The following ASAP2 variants were observed in gnomAD, a reference collection of about 807,000 sequenced individuals.
The protein encoded by ASAP2 is arf-GAP with SH3 domain, ANK repeat and PH domain-containing protein 2.
In ASAP2, 45 loss-of-function variants were observed where a neutral mutation model predicts 131.4. The observed-to-expected ratio is 0.34, with a 90% CI of 0.27 to 0.44. The LOEUF (loss-of-function observed/expected upper bound fraction) is 0.44, where lower values mean the gene tolerates loss of function less well. Ranked by LOEUF, ASAP2 falls within the 20% of genes least tolerant of loss-of-function variation. The pLI, the probability that ASAP2 is intolerant of heterozygous loss-of-function variation, is 1.00. For synonymous variants in ASAP2, 510 were observed against 503.0 expected (o/e 1.01, Z -0.19); for missense variants, 1,011 against 1,297.0 (o/e 0.78, Z 3.39).
At position 9,356,292 on chromosome 2, in the gene ASAP2, C is replaced by T; in HGVS notation, c.1274C>T (p.Ser425Leu). The T allele has an allele frequency of 5.0e-6, 8 of 1,613,506 alleles. No homozygotes were observed. The highest frequency in any genetic ancestry group is 5.9e-6 in the Non-Finnish European group (7 of 1,179,724). The change falls in exon 14 of 28, where the codon TCA becomes TTA. Residue 425 changes from serine (S) to leucine (L), a missense_variant. Ser to Leu is a moderately radical substitution (Grantham distance 145, BLOSUM62 -2). Coordinates refer to ENST00000281419, the MANE Select transcript of ASAP2 (RefSeq NM_003887.3). ...CAAGAACTGACAAAGGAGATCATCTCAGAAGTGCAGAGGATGACGGGCAAT... is the reference window on the plus strand; with the variant it reads ...CAAGAACTGACAAAGGAGATCATCTTAGAAGTGCAGAGGATGACGGGCAAT... ...IVQELTKEII[S>L]EVQRMTGNDV...
rs535210558 is a variant in ASAP2, at chr2:9,392,966, A to G, written c.2519-516A>G. ...GCCTCCTTGTCTGTAAAACGTAGAC[A>G]CTAAGAAAGCTCTTCACCCACCCAC... On this transcript the variant is annotated intron_variant, in intron 23 of 27. Transcript: ENST00000281419. The surrounding 1 kb of genome is among the most constrained non-coding windows in gnomAD (Gnocchi z 4.0). Among the ~76,000 whole-genome samples, 15 of 152,290 alleles carry G rather than the reference A, an allele frequency of 9.8e-5. No individual in the cohort carries two copies. The East Asian group carries it at 1.7e-3, about 18-fold the overall frequency.
At chr2:9,306,602 G>A (rs892031203) in intron 3 of ASAP2, among the ~76,000 whole-genome samples, 4 of 151,826 alleles carry the variant, frequency 2.6e-5, no homozygotes, top group Non-Finnish European at 5.9e-5. Flanking sequence ...AAGGAAAATG[G>A]GGGGCTGTGA....
chr2:9,345,710 G>A (rs1188190801), intron 11 of ASAP2, among the ~76,000 whole-genome samples: 3 of 152,142 alleles, frequency 2.0e-5, no homozygotes, highest in East Asian at 1.9e-4. Context: ...GATAGTAACC[G>A]TCTTTCCTGC....
chr2:9,400,058 A>C lies in ASAP2; in HGVS notation c.2720A>C (p.Gln907Pro). Reference sequence around the variant, plus strand: ...TCCACCCCACTGACCAACAAAGGCCAACCGAGAGGACCTGGTAATTATTTA... The same window carrying C: ...TCCACCCCACTGACCAACAAAGGCCCACCGAGAGGACCTGGTAATTATTTA... ...DKSTPLTNKG[Q>P]PRGPVDLSAT... The change falls in exon 25 of 28, where the codon CAA becomes CCA. Residue 907 changes from glutamine (Q) to proline (P), a missense_variant. Physicochemically the swap from Gln to Pro is moderately conservative, Grantham distance 76 (BLOSUM62 -1). Coordinates refer to ENST00000281419, the MANE Select transcript of ASAP2 (RefSeq NM_003887.3). The C allele has an allele frequency of 6.2e-7, 1 of 1,613,334 alleles. No homozygotes were observed. The highest frequency in any genetic ancestry group is 8.5e-7 in the Non-Finnish European group (1 of 1,179,712).
intron 11 of ASAP2, among the ~76,000 whole-genome samples, chr2:9,348,774 A>G (rs1672143029): frequency 6.6e-6 from 1 of 152,190 alleles, no homozygotes; most frequent in African/African-American, 2.4e-5. Context: ...AAGAACGAAC[A>G]CCTTTCCCCG....
intron 8 of ASAP2, 42 bp downstream of exon 8, chr2:9,334,855 T>G (rs769168372): frequency 6.4e-7 from 1 of 1,561,428 alleles, no homozygotes; most frequent in South Asian, 1.1e-5. Context: ...ACCATCTTAA[T>G]GCAACAGACA....
At chr2:9,248,088 G>T (rs1035231858) in intron 1 of ASAP2, among the ~76,000 whole-genome samples, 1 of 152,198 alleles carries the variant, frequency 6.6e-6, no homozygotes, top group African/African-American at 2.4e-5. Flanking sequence ...TGGAGAAGGG[G>T]TGGCTGATGG....
chr2:9,223,861 G>A (rs1381615504), intron 1 of ASAP2, among the ~76,000 whole-genome samples: 1 of 152,126 alleles, frequency 6.6e-6, no homozygotes, highest in Non-Finnish European at 1.5e-5. Context: ...AATCCTTGCA[G>A]GTCTCACTAA....
intron 1 of ASAP2, among the ~76,000 whole-genome samples, chr2:9,275,082 G>GT (rs753527243): frequency 0.11 from 14,503 of 128,752 alleles, 885 homozygotes; most frequent in Middle Eastern, 0.15. Context: ...TCATTTGTCT[G>GT]TTTTTTTTTT....
At chr2:9,356,546 C>T (rs968064530) in intron 14 of ASAP2, among the ~76,000 whole-genome samples, 9 of 152,110 alleles carry the variant, frequency 5.9e-5, no homozygotes, top group African/African-American at 1.7e-4. Flanking sequence ...GTTTGCCTGC[C>T]GGGCCCCAGA....
At chr2:9,253,376 C>T (rs912344884) in intron 1 of ASAP2, among the ~76,000 whole-genome samples, 3 of 152,124 alleles carry the variant, frequency 2.0e-5, no homozygotes, top group African/African-American at 7.2e-5. Context: ...GTTGGCCAGG[C>T]TGGTCTCCAA....
chr2:9,243,821 C>T (rs768448745), intron 1 of ASAP2, among the ~76,000 whole-genome samples: 2 of 152,150 alleles, frequency 1.3e-5, no homozygotes, highest in Non-Finnish European at 2.9e-5. Context: ...CCAGGACTCA[C>T]AGTTTAGTTG....
At chr2:9,250,838 A>G (rs761681681) in intron 1 of ASAP2, among the ~76,000 whole-genome samples, 9 of 152,244 alleles carry the variant, frequency 5.9e-5, no homozygotes, top group Non-Finnish European at 1.0e-4. Context: ...ACCATGGGCC[A>G]TCTGTGAGCA....
chr2:9,343,027 C>T (rs565050002), intron 9 of ASAP2, among the ~76,000 whole-genome samples: 7 of 152,166 alleles, frequency 4.6e-5, no homozygotes, highest in Non-Finnish European at 1.5e-5. Flanking sequence ...TTAGTTCTTT[C>T]ATCGTTTGGG....
intron 3 of ASAP2, among the ~76,000 whole-genome samples, chr2:9,298,814 G>GCCTGTTAGCTT (rs1417660501): frequency 6.6e-6 from 1 of 152,186 alleles, no homozygotes; most frequent in Non-Finnish European, 1.5e-5. Flanking sequence ...ACACAGAGCT[G>GCCTGTTAGCTT]CCTGTTAGCT....
chr2:9,234,770 C>T (rs1047689167), intron 1 of ASAP2, among the ~76,000 whole-genome samples: 1 of 152,130 alleles, frequency 6.6e-6, no homozygotes, highest in Admixed American at 6.5e-5. Flanking sequence ...ACTCTGGGGC[C>T]GATGCACAGG....
At chr2:9,224,167 C>T (rs967895511) in intron 1 of ASAP2, among the ~76,000 whole-genome samples, 2 of 152,110 alleles carry the variant, frequency 1.3e-5, no homozygotes, top group African/African-American at 4.8e-5. Context: ...CATTGCTGAG[C>T]AGTGCGAGGG....
At chr2:9,393,781 G>T in intron 24 of ASAP2, 134 bp downstream of exon 24, 1 of 939,688 alleles carries the variant, frequency 1.1e-6, no homozygotes, top group Admixed American at 3.3e-5. Context: ...ATTCATCGGG[G>T]CTGAAGGGTC....
intron 1 of ASAP2, among the ~76,000 whole-genome samples, chr2:9,264,596 C>A (rs946892096): frequency 1.3e-5 from 2 of 152,164 alleles, no homozygotes; most frequent in South Asian, 2.1e-4. Context: ...GCAAGTCATA[C>A]GTGAATATAT....
Sources: allele counts gnomAD v4.1 joint callset (sites outside exome capture counted in the v4.1 genomes callset), GRCh38; gene constraint gnomAD v4.1.1; non-coding constraint Gnocchi (gnomAD v3.1); transcripts MANE v1.5; gene names NCBI Gene and HGNC (gene_info 2026-07-23, HGNC 2026-07-21).